Variants in ZNF333 observed in about 807,000 individuals in gnomAD.
The protein encoded by ZNF333 is zinc finger protein 333.
Under a neutral mutation model 76.1 loss-of-function variants are expected in ZNF333, and 61 were observed. That is an observed-to-expected ratio of 0.80 (90% CI 0.65 to 0.99). The LOEUF (loss-of-function observed/expected upper bound fraction) is 0.99. ZNF333 is among the 50% of genes least tolerant of loss of function. The probability of loss-of-function intolerance (pLI) is 0.00; values close to 1 mark genes in which losing one functional copy is unlikely to be tolerated. For synonymous variants in ZNF333, 284 were observed against 305.0 expected (o/e 0.93, Z 0.72); for missense variants, 717 against 822.4 (o/e 0.87, Z 1.57).
chr19:14,693,595 A>T, intron 2 of ZNF333, 101 bp downstream of exon 2: 1 of 1,392,286 alleles, frequency 7.2e-7, no homozygotes, highest in South Asian at 1.4e-5. Context: ...TCCCCAACTG[A>T]GGAAGAAAGG....
intron 8 of ZNF333, 65 bp downstream of exon 8, chr19:14,715,535 C>T: frequency 1.4e-6 from 2 of 1,475,284 alleles, no homozygotes; most frequent in East Asian, 2.4e-5. Flanking sequence ...TACCTTCTTC[C>T]TGTGACCTGT....
In ZNF333 at chr19:14,690,064, G is replaced by C. The variant is rs1443550978; in HGVS notation, c.-128G>C. On this transcript the variant is annotated 5_prime_UTR_variant, in exon 1 of 12. Coordinates refer to ENST00000292530, the MANE Select transcript of ZNF333 (RefSeq NM_032433.4). ...CGAGACCGGAAGCGGAAGTGCGCGC[G>C]GCGGCGGCCGACGGCGGCTGAGCTG... The C allele has an allele frequency of 6.6e-6, 1 of 152,628 alleles. No individual in the cohort carries two copies. Among genetic ancestry groups the C allele is most frequent in the East Asian group, 1.9e-4 (1 of 5,226 alleles). The allele number at this position is 152,628 out of a possible 1,614,324, so 9.5% of individuals were successfully genotyped here.
At chr19:14,723,857 G>A (rs2042617352), downstream of ZNF333, among the ~76,000 whole-genome samples, 1 of 152,196 alleles carries the variant, frequency 6.6e-6, no homozygotes, top group African/African-American at 2.4e-5. Flanking sequence ...CAACAGGAGA[G>A]GGCAGAGATA....
Position 14,719,309 on chromosome 19 carries a change from G to A in ZNF333, c.1982G>A (p.Gly661Glu). Residue 661 changes from glycine to glutamate, a missense_variant, in exon 12 of 12, where the codon GGG (glycine) becomes GAG (glutamate). Transcript: ENST00000292530. ...TTATCCATGTCTCATCCATACTGTG[G>A]GCCCCTTGCTAATTAACTTCCATTT... ...LPLSMSHPYCGPLAN is the reference protein window; with the variant it reads ...LPLSMSHPYCEPLAN 1 of 1,600,820 alleles carries A rather than the reference G, an allele frequency of 6.2e-7. No individual in the cohort carries two copies. Among genetic ancestry groups the A allele is most frequent in the Non-Finnish European group, 8.5e-7 (1 of 1,174,108 alleles).
rs749606898 is a variant in ZNF333, at chr19:14,699,312, A to T, written c.306+31A>T. 6.2e-5 allele frequency: 99 copies of T among 1,594,464 alleles called. 1 individual carries two copies. The African/African-American group carries it at 1.3e-3, about 20-fold the overall frequency. ...ATGCACGGGGTTTTCCCCGGCTCCC[A>T]GCATGGGAGAAGTTGAGGAACACGT... On this transcript the variant is annotated intron_variant, in intron 5 of 11. Transcript: ENST00000292530.
At chr19:14,692,805 G>C (rs1187014720) in intron 1 of ZNF333, among the ~76,000 whole-genome samples, 1 of 149,538 alleles carries the variant, frequency 6.7e-6, no homozygotes, top group Admixed American at 6.7e-5. Flanking sequence ...GAGCCACCGT[G>C]CTTGACCTGG....
In ZNF333 at chr19:14,717,708, A is replaced by G. The variant is rs1449014309; in HGVS notation, c.875A>G (p.Glu292Gly). The G allele has an allele frequency of 1.2e-6, 2 of 1,613,984 alleles. No individual in the cohort carries two copies. Among genetic ancestry groups the G allele is most frequent in the African/African-American group, 2.7e-5 (2 of 74,918 alleles). Reference sequence around the variant, plus strand: ...ATTCCTAGCCAAGATACTTTTACAGAGATCCTGTCCATTGATGTGAAAGGG... The same window carrying G: ...ATTCCTAGCCAAGATACTTTTACAGGGATCCTGTCCATTGATGTGAAAGGG... ...EAIPSQDTFTEILSIDVKGEQ... is the reference protein window; with the variant it reads ...EAIPSQDTFTGILSIDVKGEQ... Residue 292 changes from glutamate to glycine, a missense_variant, in exon 11 of 12, where the codon GAG (glutamate) becomes GGG (glycine). Transcript: ENST00000292530.
downstream of ZNF333, among the ~76,000 whole-genome samples, chr19:14,725,936 G>A (rs1444384862): frequency 2.0e-5 from 3 of 152,206 alleles, no homozygotes; most frequent in Non-Finnish European, 4.4e-5. Context: ...TGCCCTGGTA[G>A]GGATTCTTGT....
At position 14,694,287 on chromosome 19, in the gene ZNF333, A is replaced by G. The variant is rs1599682725; in HGVS notation, c.4-723A>G. 3.3e-5 allele frequency among the ~76,000 whole-genome samples: 5 copies of G among 152,258 alleles called. No individual in the cohort carries two copies. The East Asian group carries it at 9.7e-4, about 30-fold the overall frequency. Reference sequence around the variant, plus strand: ...TGGGAGTTCAAGACCAGCCTGGCCAACATGGTGAAACTCTGTCTCTACTAA... The same window carrying G: ...TGGGAGTTCAAGACCAGCCTGGCCAGCATGGTGAAACTCTGTCTCTACTAA... On this transcript the variant is annotated intron_variant, in intron 2 of 11. Transcript: ENST00000292530.
chr19:14,728,225 T>C (rs1366911862), intron 11 of ZNF333, among the ~76,000 whole-genome samples: 1 of 152,206 alleles, frequency 6.6e-6, no homozygotes, highest in Non-Finnish European at 1.5e-5. Context: ...AAAAAAATTT[T>C]TTTTTCAGAA....
At chr19:14,701,890 T>C (rs1241660477) in intron 5 of ZNF333, 1 of 985,328 alleles carries the variant, frequency 1.0e-6, no homozygotes, top group African/African-American at 1.7e-5. Context: ...AGCCCGTGAG[T>C]AGTAGAGGTG....
In ZNF333 at chr19:14,719,032, C is replaced by T. The variant is rs144259132; in HGVS notation, c.1705C>T (p.Arg569Ter). The change falls in exon 12 of 12, where the codon CGA becomes TGA. Residue 569 changes from arginine (R) to a stop codon, truncating the protein, a stop_gained. Transcript: ENST00000292530. LOFTEE classifies it high-confidence loss of function. Reference protein sequence around the residue: ...EKPYVCQECGRAFSEPSSLRK... With the variant: ...EKPYVCQECG ...GCCCTATGTGTGCCAGGAATGTGGG[C>T]GAGCCTTCAGTGAGCCCTCATCCCT... is the stretch of plus-strand genomic sequence containing the variant. 1.2e-5 allele frequency: 19 copies of T among 1,613,730 alleles called. No homozygotes were observed. The highest frequency in any genetic ancestry group is 6.7e-5 in the Admixed American group (4 of 59,976).
At chr19:14,698,786 G>A (rs1266165718) in intron 4 of ZNF333, among the ~76,000 whole-genome samples, 1 of 151,494 alleles carries the variant, frequency 6.6e-6, no homozygotes, top group Admixed American at 6.6e-5. Flanking sequence ...GTTGCAGTGA[G>A]CCAAGATTGC....
chr19:14,731,274 C>A, exon 12 of ZNF333: 3 of 1,281,888 alleles, frequency 2.3e-6, no homozygotes, highest in African/African-American at 1.5e-5. Flanking sequence ...ACTACTGGGG[C>A]TTGAAGACTC....
chr19:14,711,265 G>C (rs575731494), intron 7 of ZNF333, among the ~76,000 whole-genome samples: 2 of 152,172 alleles, frequency 1.3e-5, no homozygotes, highest in South Asian at 2.1e-4. Flanking sequence ...TTACCAGTTA[G>C]GGGGGCGGGA....
intron 5 of ZNF333, 173 bp downstream of exon 5, chr19:14,699,454 G>A (rs1973524786): frequency 1.8e-6 from 1 of 550,812 alleles, no homozygotes. Context: ...AACCCAGACT[G>A]TTGCTCAAGA....
At chr19:14,712,615 C>T (rs1027615856) in intron 7 of ZNF333, among the ~76,000 whole-genome samples, 4 of 151,928 alleles carry the variant, frequency 2.6e-5, no homozygotes, top group African/African-American at 7.3e-5. Flanking sequence ...TCTGATGGCT[C>T]GGGGGGGAGG....
chr19:14,698,927 T>TAG (rs1973464840), intron 4 of ZNF333, among the ~76,000 whole-genome samples: 5 of 126,810 alleles, frequency 3.9e-5, no homozygotes, highest in Admixed American at 1.5e-4. Flanking sequence ...TATATATATA[T>TAG]ATATATATAC....
At chr19:14,703,436 GTTTC>G (rs1352327821) in intron 5 of ZNF333, among the ~76,000 whole-genome samples, 1 of 152,162 alleles carries the variant, frequency 6.6e-6, no homozygotes, top group Non-Finnish European at 1.5e-5. Flanking sequence ...CCTAAAAACA[GTTTC>G]TTTAAGTTGA....
Sources: allele counts gnomAD v4.1 joint callset (sites outside exome capture counted in the v4.1 genomes callset), GRCh38; gene constraint gnomAD v4.1.1; transcripts MANE v1.5; gene names NCBI Gene and HGNC (gene_info 2026-07-23, HGNC 2026-07-21).